The following ST18 variants were observed in gnomAD, a reference collection of about 807,000 sequenced individuals.
ST18 encodes ST18 C2H2C-type zinc finger transcription factor.
In ST18, 50 loss-of-function variants were observed where a neutral mutation model predicts 110.0. That is an observed-to-expected ratio of 0.45 (90% CI 0.36 to 0.58). The LOEUF is 0.58. Among genes scored for constraint, ST18 ranks in the 20% least tolerant of loss-of-function variants. ST18 has a pLI of 0.00. For missense variants in ST18, 1,306 were observed against 1,280.1 expected (o/e 1.02, Z -0.31); for synonymous variants, 461 against 452.4 (o/e 1.02, Z -0.24).
At chr8:52,202,691 T>C (rs4598264) in intron 8 of ST18, among the ~76,000 whole-genome samples, 10,559 of 152,230 alleles carry the variant, frequency 0.069, 502 homozygotes, top group Middle Eastern at 0.15. Context: ...TGAGTACAAA[T>C]TCCATATGTC....
Position 52,365,784 on chromosome 8 carries a change from G to A in ST18, c.-465+43544C>T, listed in dbSNP as rs905383145. Among the ~76,000 whole-genome samples, 10 of 151,934 alleles carry A rather than the reference G, an allele frequency of 6.6e-5. No individual in the cohort carries two copies. The East Asian group carries it at 9.7e-4, about 15-fold the overall frequency. ...TGCAACCACAGCTCACTACAGCCTC[G>A]ACCTCACAGGCTCAAGCAATCCTCC... On this transcript the variant is annotated intron_variant, in intron 2 of 25. Transcript: ENST00000689386.
In ST18 at chr8:52,409,365, A is replaced by T. The variant is rs578069855; in HGVS notation, c.-502T>A. ...AACGTCTACAGGTGTGTCGAAAGTT[A>T]TCTTTTCCTGGATGTGTTCCAAAAT... On this transcript the variant is annotated 5_prime_UTR_variant, in exon 2 of 26. An upstream open reading frame in the 5' UTR loses its in-frame stop. Coordinates refer to ENST00000689386, the MANE Select transcript of ST18 (RefSeq NM_001352837.2). The T allele has an allele frequency of 3.3e-5, 5 of 152,346 alleles. No homozygotes were observed. Among genetic ancestry groups the T allele is most frequent in the Admixed American group, 6.5e-5 (1 of 15,300 alleles). 9.4% of individuals were successfully genotyped at this position (152,346 alleles called of 1,614,324 possible).
chr8:52,281,316 A>G (rs1460560251), intron 2 of ST18, among the ~76,000 whole-genome samples: 1 of 152,214 alleles, frequency 6.6e-6, no homozygotes, highest in Non-Finnish European at 1.5e-5. Flanking sequence ...GTTAAGAAAC[A>G]AAGTAATAAA....
intron 2 of ST18, among the ~76,000 whole-genome samples, chr8:52,331,243 T>C (rs1809228787): frequency 6.6e-6 from 1 of 152,142 alleles, no homozygotes; most frequent in Non-Finnish European, 1.5e-5. Flanking sequence ...GCTGTGATAA[T>C]AGATGTAAAC....
At chr8:52,372,626 G>A (rs945289119) in intron 2 of ST18, among the ~76,000 whole-genome samples, 1 of 152,138 alleles carries the variant, frequency 6.6e-6, no homozygotes, top group Non-Finnish European at 1.5e-5. Context: ...CCTTTTCCAT[G>A]TTTAAATATG....
intron 2 of ST18, among the ~76,000 whole-genome samples, chr8:52,318,745 C>T (rs553262674): frequency 6.6e-6 from 1 of 152,220 alleles, no homozygotes; most frequent in East Asian, 1.9e-4. Flanking sequence ...GAATACTATG[C>T]TGCCATAAAA....
chr8:52,230,459 A>T (rs2090964568), intron 2 of ST18, among the ~76,000 whole-genome samples: 1 of 151,862 alleles, frequency 6.6e-6, no homozygotes, highest in African/African-American at 2.4e-5. Context: ...TTCTAATCAG[A>T]TCCTACAGAA....
chr8:52,193,522 G>A (rs1036767906), intron 8 of ST18, among the ~76,000 whole-genome samples: 5 of 152,214 alleles, frequency 3.3e-5, no homozygotes, highest in Admixed American at 2.0e-4. Context: ...AACCTGCACT[G>A]CAATTCAACT....
intron 15 of ST18, among the ~76,000 whole-genome samples, chr8:52,155,355 T>C (rs2059772411): frequency 6.6e-6 from 1 of 152,212 alleles, no homozygotes; most frequent in Non-Finnish European, 1.5e-5. Context: ...TAGGCAATAT[T>C]GGTGGTACAA....
chr8:52,307,389 C>T (rs1175248752), intron 2 of ST18, among the ~76,000 whole-genome samples: 1 of 152,128 alleles, frequency 6.6e-6, no homozygotes, highest in Admixed American at 6.5e-5. Flanking sequence ...CTTCATCATA[C>T]TTTTGGGTAT....
intron 25 of ST18, 40 bp downstream of exon 25, chr8:52,116,235 T>G (rs571649544): frequency 6.3e-7 from 1 of 1,598,056 alleles, no homozygotes; most frequent in African/African-American, 1.3e-5. Flanking sequence ...ACACTGCAAA[T>G]GCTTGTAATG....
In ST18 at chr8:52,162,937, C is replaced by G. The variant is rs543249912; in HGVS notation, c.1400+1049G>C. 3.3e-5 allele frequency among the ~76,000 whole-genome samples: 5 copies of G among 152,166 alleles called. No individual in the cohort carries two copies. The South Asian group carries it at 8.3e-4, about 25-fold the overall frequency. On this transcript the variant is annotated intron_variant, in intron 13 of 25. Transcript: ENST00000689386. Reference sequence around the variant, plus strand: ...TAGCTGCTATATAAAAATATCTGAGCAACTAGTTGATCTTATTGCCTTTAT... The same window carrying G: ...TAGCTGCTATATAAAAATATCTGAGGAACTAGTTGATCTTATTGCCTTTAT...
At chr8:52,253,785 A>T (rs2094428893) in intron 2 of ST18, among the ~76,000 whole-genome samples, 1 of 152,116 alleles carries the variant, frequency 6.6e-6, no homozygotes, top group South Asian at 2.1e-4. Context: ...CTAAGCAAAA[A>T]GTGTACTAAG....
chr8:52,180,168 C>T lies in ST18; in HGVS notation c.231G>A (p.Arg77=). Reference sequence around the variant, plus strand: ...TTTCCAAGGGGCCATCGTCCTCTGTCCTGTCACTGCGGTCTTCTTGGCAGT... The same window carrying T: ...TTTCCAAGGGGCCATCGTCCTCTGTTCTGTCACTGCGGTCTTCTTGGCAGT... ...KADCQEDRSD[R]TEDDGPLETH... is the part of the protein sequence containing the mutation. The change falls in exon 9 of 26, where the codon AGG becomes AGA. Residue 77 remains arginine, a synonymous_variant. Transcript: ENST00000689386. The T allele has an allele frequency of 6.2e-7, 1 of 1,614,124 alleles. No homozygotes were observed. The highest frequency in any genetic ancestry group is 8.5e-7 in the Non-Finnish European group (1 of 1,180,018).
At chr8:52,276,085 C>A (rs1397102904) in intron 2 of ST18, among the ~76,000 whole-genome samples, 1 of 145,280 alleles carries the variant, frequency 6.9e-6, no homozygotes, top group African/African-American at 2.6e-5. Flanking sequence ...CACATGTAAG[C>A]CACACACCAC....
intron 2 of ST18, among the ~76,000 whole-genome samples, chr8:52,292,933 A>G (rs772540735): frequency 7.2e-5 from 11 of 152,210 alleles, no homozygotes; most frequent in African/African-American, 2.7e-4. Flanking sequence ...CCTCTTTCCT[A>G]TGAACAAATA....
chr8:52,291,386 A>G (rs1351903508), intron 2 of ST18, among the ~76,000 whole-genome samples: 1 of 152,170 alleles, frequency 6.6e-6, no homozygotes, highest in African/African-American at 2.4e-5. Context: ...AAGGGTTATT[A>G]TTTACTTTGA....
Position 52,327,073 on chromosome 8 carries a change from C to T in ST18, c.-465+82255G>A, listed in dbSNP as rs376058734. On this transcript the variant is annotated intron_variant, in intron 2 of 25. Transcript: ENST00000689386. ...TACTTGGTCCACAGTTGCTTGCAAC[C>T]TCCTGTAGCCAAATCACTCACAACC... Among the ~76,000 whole-genome samples the T allele has an allele frequency of 5.9e-5, 9 of 152,308 alleles. No homozygotes were observed. The East Asian group carries it at 1.5e-3, about 26-fold the overall frequency.
At chr8:52,179,946 T>A (rs2068682106) in intron 9 of ST18, among the ~76,000 whole-genome samples, 176 bp downstream of exon 9, 1 of 152,206 alleles carries the variant, frequency 6.6e-6, no homozygotes, top group African/African-American at 2.4e-5. Flanking sequence ...AGTTACTGAT[T>A]AAAAACTGGG....
Sources: allele counts gnomAD v4.1 joint callset (sites outside exome capture counted in the v4.1 genomes callset), GRCh38; gene constraint gnomAD v4.1.1; transcripts MANE v1.5; gene names NCBI Gene and HGNC (gene_info 2026-07-23, HGNC 2026-07-21).